KDM1A: variants seen among roughly 807,000 people sequenced by gnomAD.
KDM1A encodes lysine demethylase 1A.
KDM1A carries 49 observed loss-of-function variants against 109.4 expected under a neutral mutation model. The ratio of observed to expected loss-of-function variants is 0.45; its 90% CI spans 0.36 to 0.57. The LOEUF (loss-of-function observed/expected upper bound fraction) is 0.57, where lower values mean the gene tolerates loss of function less well. KDM1A is among the 20% of genes least tolerant of loss of function. The pLI is 0.00. For missense variants in KDM1A, 668 were observed against 1,116.6 expected (o/e 0.60, Z 5.73); for synonymous variants, 380 against 415.4 (o/e 0.91, Z 1.04).
intron 18 of KDM1A, among the ~76,000 whole-genome samples, chr1:23,080,445 C>G (rs542298728): frequency 6.6e-6 from 1 of 152,352 alleles, no homozygotes; most frequent in South Asian, 2.1e-4. Context: ...CCAAGCCATT[C>G]TTACCTGTTG....
chr1:23,020,971 G>A (rs1641609078), intron 1 of KDM1A, among the ~76,000 whole-genome samples: 1 of 152,070 alleles, frequency 6.6e-6, no homozygotes, highest in South Asian at 2.1e-4. Context: ...GGTCTAGTTG[G>A]AAAAAACAAC....
chr1:23,037,127 TATACACACAC>T (rs1642170649), intron 2 of KDM1A, among the ~76,000 whole-genome samples: 1 of 113,010 alleles, frequency 8.8e-6, no homozygotes, highest in African/African-American at 3.1e-5. Context: ...AAAAAATATA[TATACACACAC>T]ACACACACAC....
At chr1:23,023,109 A>G (rs1228776625) in intron 1 of KDM1A, among the ~76,000 whole-genome samples, 2 of 152,100 alleles carry the variant, frequency 1.3e-5, no homozygotes, top group Non-Finnish European at 2.9e-5. Context: ...CCATTTTTAT[A>G]TTTTTGTTGA....
Position 23,071,219 on chromosome 1 carries a change from T to A in KDM1A, c.1414-6T>A. Reference sequence around the variant, plus strand: ...GGAATGGTAAATTTGTATTTTTCCTTCTTAGATGGTAAATTTGAAAGAGAA... The same window carrying A: ...GGAATGGTAAATTTGTATTTTTCCTACTTAGATGGTAAATTTGAAAGAGAA... On this transcript the variant is annotated splice_region_variant and splice_polypyrimidine_tract_variant and intron_variant, in intron 12 of 20. Coordinates refer to ENST00000400181, the MANE Select transcript of KDM1A (RefSeq NM_001009999.3). The A allele has an allele frequency of 1.3e-6, 2 of 1,595,898 alleles. No homozygotes were observed. The highest frequency in any genetic ancestry group is 4.5e-5 in the East Asian group (2 of 44,790).
At chr1:23,072,860 G>A (rs369879290) in intron 14 of KDM1A, among the ~76,000 whole-genome samples, 7 of 152,160 alleles carry the variant, frequency 4.6e-5, no homozygotes, top group African/African-American at 9.6e-5. Flanking sequence ...GGCTGATCTC[G>A]AACTCCTGAC....
rs368402554 is a variant in KDM1A, at chr1:23,057,576, A to G, written c.1072+11A>G. 2.9e-5 allele frequency: 47 copies of G among 1,601,702 alleles called. No homozygotes were observed. In the African/African-American group the frequency reaches 3.9e-4, roughly 13 times the overall value. On this transcript the variant is annotated intron_variant, in intron 8 of 20. Transcript: ENST00000400181. ...TGGTAACAGGTCTTGGTAAGTAGCT[A>G]TTGGTTTGTGCTATATAGTACATGG... is the stretch of plus-strand genomic sequence containing the variant.
chr1:23,054,275 TAGAC>T (rs959919219), intron 5 of KDM1A, among the ~76,000 whole-genome samples: 3 of 152,156 alleles, frequency 2.0e-5, no homozygotes, highest in African/African-American at 4.8e-5. Flanking sequence ...AATTTTAAAT[TAGAC>T]AGACACAGTG....
At chr1:23,035,389 A>T (rs1231100950) in intron 2 of KDM1A, among the ~76,000 whole-genome samples, 2 of 152,056 alleles carry the variant, frequency 1.3e-5, no homozygotes, top group African/African-American at 4.8e-5. Flanking sequence ...TTTAGTAGAG[A>T]TGAGGTTTCT....
chr1:23,063,873 C>T (rs767084186), intron 9 of KDM1A, among the ~76,000 whole-genome samples: 5 of 152,094 alleles, frequency 3.3e-5, no homozygotes, highest in Non-Finnish European at 5.9e-5. Flanking sequence ...AGACAACAGT[C>T]TCTATAGAAT....
chr1:23,078,403 T>G (rs534784167), intron 16 of KDM1A, among the ~76,000 whole-genome samples: 1 of 152,152 alleles, frequency 6.6e-6, no homozygotes, highest in Non-Finnish European at 1.5e-5. Context: ...TAAACAGACA[T>G]TCATTAAAAA....
At chr1:23,026,517 A>G (rs1641810349) in intron 1 of KDM1A, among the ~76,000 whole-genome samples, 1 of 151,422 alleles carries the variant, frequency 6.6e-6, no homozygotes, top group South Asian at 2.1e-4. Context: ...AGCCCCCCCA[A>G]GTAGCTGGAA....
In KDM1A at chr1:23,073,477, ATG is replaced by A. The variant is rs1204396036; in HGVS notation, c.1734+80_1734+81del. ...TTGTAAGAGAAATAGTTAATTTTGT[ATG>A]TGTGTTTTTAAACAGCTTTAGTAAG... On this transcript the variant is annotated intron_variant, in intron 15 of 20. Coordinates refer to ENST00000400181, the MANE Select transcript of KDM1A (RefSeq NM_001009999.3). 24 of 845,646 alleles carry A rather than the reference ATG, an allele frequency of 2.8e-5. No homozygotes were observed. The African/African-American group carries it at 4.0e-4, about 14-fold the overall frequency. 52.4% of individuals were successfully genotyped at this position (845,646 alleles called of 1,614,324 possible). A position where few individuals can be genotyped will look rare whatever the true frequency, so the allele number is the denominator to read the frequency against.
intron 4 of KDM1A, among the ~76,000 whole-genome samples, chr1:23,051,556 G>C (rs879460437): frequency 6.6e-6 from 1 of 152,038 alleles, no homozygotes; most frequent in Non-Finnish European, 1.5e-5. Context: ...TCATTTCTTG[G>C]ATTACTGACT....
intron 9 of KDM1A, among the ~76,000 whole-genome samples, chr1:23,062,364 T>C (rs1643024818): frequency 6.6e-6 from 1 of 152,204 alleles, no homozygotes; most frequent in Admixed American, 6.5e-5. Context: ...ATTCATTCAG[T>C]CATTGATTTT....
At chr1:23,034,530 A>G (rs952933890) in intron 2 of KDM1A, among the ~76,000 whole-genome samples, 1 of 152,174 alleles carries the variant, frequency 6.6e-6, no homozygotes, top group African/African-American at 2.4e-5. Context: ...TACCCTGTGT[A>G]CCTTACATTA....
At chr1:23,053,691 A>T in intron 4 of KDM1A, 70 bp from the exon 5 acceptor site, 1 of 1,075,976 alleles carries the variant, frequency 9.3e-7, no homozygotes, top group South Asian at 1.3e-5. Context: ...CAGCTAAAAG[A>T]TGATTTTAAA....
chr1:23,082,923 G>A (rs1188211768), intron 20 of KDM1A: 2 of 342,252 alleles, frequency 5.8e-6, no homozygotes, highest in South Asian at 5.6e-5. Flanking sequence ...TTACAACTGG[G>A]TATCTAAACT....
At chr1:23,022,421 C>T (rs763686544) in intron 1 of KDM1A, among the ~76,000 whole-genome samples, 13 of 151,624 alleles carry the variant, frequency 8.6e-5, no homozygotes, top group Non-Finnish European at 1.3e-4. Context: ...CTGCAACATC[C>T]GCCTCCAAGG....
At chr1:23,060,595 C>T (rs1642971407) in intron 9 of KDM1A, among the ~76,000 whole-genome samples, 1 of 152,096 alleles carries the variant, frequency 6.6e-6, no homozygotes, top group Admixed American at 6.6e-5. Flanking sequence ...GGAAGGAGAG[C>T]ATTTGTAAAT....
Sources: allele counts gnomAD v4.1 joint callset (sites outside exome capture counted in the v4.1 genomes callset), GRCh38; gene constraint gnomAD v4.1.1; transcripts MANE v1.5; gene names NCBI Gene and HGNC (gene_info 2026-07-23, HGNC 2026-07-21).